The following DCP1A variants were observed in gnomAD, a reference collection of about 807,000 sequenced individuals.
The protein encoded by DCP1A is mRNA-decapping enzyme 1A.
A neutral mutation model predicts 58.0 loss-of-function variants in DCP1A; 20 were observed. The ratio of observed to expected loss-of-function variants is 0.34; its 90% CI spans 0.24 to 0.50. The LOEUF is 0.50. DCP1A is among the 20% of genes least tolerant of loss of function. The probability of loss-of-function intolerance (pLI) is 0.98; values close to 1 mark genes in which losing one functional copy is unlikely to be tolerated. For missense variants in DCP1A, 613 were observed against 712.2 expected (o/e 0.86, Z 1.59); for synonymous variants, 285 against 275.1 (o/e 1.04, Z -0.36).
chr3:53,312,853 A>G (rs917826497), intron 4 of DCP1A, among the ~76,000 whole-genome samples: 1 of 152,148 alleles, frequency 6.6e-6, no homozygotes, highest in Non-Finnish European at 1.5e-5. Context: ...GAAATAAATG[A>G]CTTACCATTT....
At chr3:53,347,353 T>G (rs1575628759) in intron 1 of DCP1A, 30 bp downstream of exon 1, 3 of 1,524,336 alleles carry the variant, frequency 2.0e-6, no homozygotes, top group Non-Finnish European at 8.8e-7. Flanking sequence ...AGCGGCCGGG[T>G]GGCCGTCCTC....
At chr3:53,308,562 T>G (rs369483512) in intron 5 of DCP1A, among the ~76,000 whole-genome samples, 1 of 152,212 alleles carries the variant, frequency 6.6e-6, no homozygotes, top group Admixed American at 6.5e-5. Context: ...ATTATAGACA[T>G]AGCCACAGCG....
chr3:53,291,051 A>G (rs1420907016), intron 7 of DCP1A, among the ~76,000 whole-genome samples, 195 bp from the exon 8 acceptor site: 1 of 152,146 alleles, frequency 6.6e-6, no homozygotes, highest in Non-Finnish European at 1.5e-5. Context: ...CAACAATTCA[A>G]CTGCACTAGA....
intron 8 of DCP1A, 44 bp downstream of exon 8, chr3:53,290,747 C>CT (rs782104272): frequency 1.2e-6 from 1 of 857,934 alleles, no homozygotes; most frequent in Non-Finnish European, 1.5e-6. Context: ...CCCGACTAGT[C>CT]TTAAAAAAAA....
At chr3:53,331,888 A>T (rs1553691319) in intron 3 of DCP1A, among the ~76,000 whole-genome samples, 1 of 152,270 alleles carries the variant, frequency 6.6e-6, no homozygotes, top group Non-Finnish European at 1.5e-5. Flanking sequence ...TTCTAAGAGA[A>T]GTATTACTCG....
chr3:53,322,045 T>C (rs1237712465), intron 3 of DCP1A, among the ~76,000 whole-genome samples: 1 of 152,216 alleles, frequency 6.6e-6, no homozygotes, highest in African/African-American at 2.4e-5. Flanking sequence ...TATCAATATA[T>C]ACCAATTTAG....
chr3:53,304,850 T>G (rs1575601158), intron 5 of DCP1A, among the ~76,000 whole-genome samples: 1 of 152,298 alleles, frequency 6.6e-6, no homozygotes, highest in East Asian at 1.9e-4. Context: ...CCCAAAGTGC[T>G]GGGATTATGG....
Position 53,345,009 on chromosome 3 carries a change from G to C in DCP1A, c.136-67C>G. The stretch of plus-strand genomic sequence containing the variant: ...TCAGACCCCAAATAGTCCCCATGGA[G>C]AAGTAATGCTTCACGTTTAAGATCA... On this transcript the variant is annotated intron_variant, in intron 1 of 9. Transcript: ENST00000610213. 5.9e-6 allele frequency: 7 copies of C among 1,189,238 alleles called. No individual in the cohort carries two copies. In the South Asian group the frequency reaches 9.3e-5, roughly 16 times the overall value. 73.7% of individuals were successfully genotyped at this position (1,189,238 alleles called of 1,614,324 possible). A position where few individuals can be genotyped will look rare whatever the true frequency, so the allele number is the denominator to read the frequency against.
intron 5 of DCP1A, among the ~76,000 whole-genome samples, chr3:53,310,614 T>C (rs1553688550): frequency 6.6e-6 from 1 of 152,228 alleles, no homozygotes; most frequent in Non-Finnish European, 1.5e-5. Context: ...AAGAGGGGAA[T>C]GTAAGGTAAC....
intron 2 of DCP1A, among the ~76,000 whole-genome samples, chr3:53,344,200 A>G (rs903824315): frequency 6.6e-6 from 1 of 152,144 alleles, no homozygotes; most frequent in Non-Finnish European, 1.5e-5. Flanking sequence ...CCTAAGCTTT[A>G]GAAAACAAGG....
At chr3:53,335,849 C>T (rs2089104967) in intron 3 of DCP1A, among the ~76,000 whole-genome samples, 1 of 151,958 alleles carries the variant, frequency 6.6e-6, no homozygotes, top group Non-Finnish European at 1.5e-5. Flanking sequence ...TTTTTTGAGA[C>T]AGGGTCTCAC....
At chr3:53,325,711 T>C (rs1207164550) in intron 3 of DCP1A, among the ~76,000 whole-genome samples, 2 of 152,132 alleles carry the variant, frequency 1.3e-5, no homozygotes, top group African/African-American at 4.8e-5. Context: ...AGAATAAGCA[T>C]GGAGGCTCTC....
At chr3:53,296,830 T>A (rs2106806135) in intron 6 of DCP1A, among the ~76,000 whole-genome samples, 1 of 152,364 alleles carries the variant, frequency 6.6e-6, no homozygotes, top group East Asian at 1.9e-4. Context: ...GTGCAAATAC[T>A]GCTGCTATAA....
intron 3 of DCP1A, among the ~76,000 whole-genome samples, chr3:53,339,387 C>A (rs1322887511): frequency 1.3e-5 from 2 of 152,134 alleles, no homozygotes; most frequent in African/African-American, 2.4e-5. Context: ...AATGCACTTT[C>A]TCCCCAAGAA....
intron 4 of DCP1A, among the ~76,000 whole-genome samples, chr3:53,313,077 C>A (rs1311360341): frequency 6.6e-6 from 1 of 151,666 alleles, no homozygotes; most frequent in African/African-American, 2.4e-5. Flanking sequence ...TGAACAAATC[C>A]TCTGTGGAAA....
intron 2 of DCP1A, among the ~76,000 whole-genome samples, chr3:53,343,791 T>C (rs915356068): frequency 1.3e-5 from 2 of 152,108 alleles, no homozygotes; most frequent in African/African-American, 4.8e-5. Flanking sequence ...TTTTGTATTT[T>C]TAGTAGAGAC....
chr3:53,288,780 T>C (rs1706743219), intron 8 of DCP1A, among the ~76,000 whole-genome samples: 1 of 152,136 alleles, frequency 6.6e-6, no homozygotes, highest in African/African-American at 2.4e-5. Flanking sequence ...TTCATGCCTA[T>C]AATCCCAGCA....
intron 7 of DCP1A, among the ~76,000 whole-genome samples, chr3:53,291,712 T>A (rs782649717): frequency 6.6e-6 from 1 of 152,152 alleles, no homozygotes; most frequent in African/African-American, 2.4e-5. Context: ...GATGCTCTTA[T>A]GGCACCTCTA....
intron 3 of DCP1A, among the ~76,000 whole-genome samples, chr3:53,331,696 T>C (rs1432795577): frequency 2.0e-5 from 3 of 152,156 alleles, no homozygotes; most frequent in Non-Finnish European, 2.9e-5. Context: ...ACATGCCGGG[T>C]TTAGATTCTT....
Sources: allele counts gnomAD v4.1 joint callset (sites outside exome capture counted in the v4.1 genomes callset), GRCh38; gene constraint gnomAD v4.1.1; transcripts MANE v1.5; gene names NCBI Gene and HGNC (gene_info 2026-07-23, HGNC 2026-07-21).